Variants in GTF3C1 observed in about 807,000 individuals in gnomAD.
The protein encoded by GTF3C1 is general transcription factor IIIC subunit 1.
GTF3C1 carries 57 observed loss-of-function variants against 226.7 expected under a neutral mutation model. That is an observed-to-expected ratio of 0.25 (90% confidence interval 0.20 to 0.31). The LOEUF is 0.31. Among genes scored for constraint, GTF3C1 ranks in the 10% least tolerant of loss-of-function variants. The pLI, the probability that GTF3C1 is intolerant of heterozygous loss-of-function variation, is 1.00. For missense variants in GTF3C1, 2,217 were observed against 2,776.1 expected, an observed-to-expected ratio of 0.80 and a Z score of 4.53; for synonymous variants, 1,090 against 1,084.8, an observed-to-expected ratio of 1.00 and a Z score of -0.09.
chr16:27,523,258 G>A (rs377120899), intron 6 of GTF3C1, among the ~76,000 whole-genome samples: 4 of 152,056 alleles, frequency 2.6e-5, no homozygotes, highest in African/African-American at 9.7e-5. Context: ...GATCAGTTCA[G>A]GGGGGCTGTT....
chr16:27,477,441 G>A (rs1239277619), intron 28 of GTF3C1, among the ~76,000 whole-genome samples: 4 of 152,188 alleles, frequency 2.6e-5, no homozygotes, highest in African/African-American at 7.2e-5. Context: ...CCAGCAGCTG[G>A]GATTACAGGC....
intron 4 of GTF3C1, among the ~76,000 whole-genome samples, chr16:27,534,481 A>G (rs2088970075): frequency 6.6e-6 from 1 of 152,202 alleles, no homozygotes; most frequent in Admixed American, 6.5e-5. Context: ...GAAAGAATAA[A>G]TGGAGGGACA....
At chr16:27,505,735 T>G (rs1250534654) in intron 10 of GTF3C1, among the ~76,000 whole-genome samples, 164 bp downstream of exon 10, 1 of 152,172 alleles carries the variant, frequency 6.6e-6, no homozygotes, top group East Asian at 1.9e-4. Context: ...GAAAGTGGTG[T>G]GTAGATAAGC....
chr16:27,514,102 A>G (rs765988542), intron 6 of GTF3C1, among the ~76,000 whole-genome samples: 8 of 152,224 alleles, frequency 5.3e-5, no homozygotes, highest in Non-Finnish European at 1.2e-4. Flanking sequence ...AGCCTAGGGC[A>G]AGAGGCCAGC....
chr16:27,549,656 G>T lies in GTF3C1; in HGVS notation c.221+14C>A. On this transcript the variant is annotated intron_variant, in intron 1 of 36. Coordinates refer to ENST00000356183, the MANE Select transcript of GTF3C1 (RefSeq NM_001520.4). Reference sequence around the variant, plus strand: ...GCCCGCCCGCCCGCCCGCCAGGCCAGGCCGCCCGCTGACCGGTCCTGGAGC... The same window carrying T: ...GCCCGCCCGCCCGCCCGCCAGGCCATGCCGCCCGCTGACCGGTCCTGGAGC... 2.6e-6 allele frequency: 2 copies of T among 765,208 alleles called. No individual in the cohort carries two copies. The highest frequency in any genetic ancestry group is 4.0e-6 in the Non-Finnish European group (2 of 503,892). The allele number at this position is 765,208 out of a possible 1,614,324, so 47.4% of individuals were successfully genotyped here.
At chr16:27,500,543 A>C (rs2088389827) in intron 12 of GTF3C1, among the ~76,000 whole-genome samples, 1 of 152,212 alleles carries the variant, frequency 6.6e-6, no homozygotes, top group Non-Finnish European at 1.5e-5. Flanking sequence ...TGCAGTCAGA[A>C]GAAAAGGTCA....
intron 20 of GTF3C1, 148 bp from the exon 21 acceptor site, chr16:27,489,326 G>A (rs2088195721): frequency 1.2e-6 from 1 of 840,526 alleles, no homozygotes; most frequent in Non-Finnish European, 1.8e-6. Flanking sequence ...GAACTTGGGG[G>A]CCCTAAGTGT....
In GTF3C1 at chr16:27,506,896, A is replaced by G; in HGVS notation, c.1503T>C (p.Ser501=). Residue 501 remains serine, a synonymous_variant, in exon 9 of 37, where the codon TCT becomes TCC. Coordinates refer to ENST00000356183, the MANE Select transcript of GTF3C1 (RefSeq NM_001520.4). ...GRGSQKDTRA[S]ANLRPKTQPH... ...GCTGGGTCTTGGGCCGGAGGTTTGCAGAGGCTCTTGTGTCTTTCTGGGACC... is the reference window on the plus strand; with the variant it reads ...GCTGGGTCTTGGGCCGGAGGTTTGCGGAGGCTCTTGTGTCTTTCTGGGACC... 1 of 1,613,588 alleles carries G rather than the reference A, an allele frequency of 6.2e-7. No homozygotes were observed. Among genetic ancestry groups the G allele is most frequent in the Non-Finnish European group, 8.5e-7 (1 of 1,179,944 alleles).
Position 27,495,383 on chromosome 16 carries a change from C to T in GTF3C1, c.2460G>A (p.Val820=). 1 of 1,614,170 alleles carries T rather than the reference C, an allele frequency of 6.2e-7. No individual in the cohort carries two copies. The highest frequency in any genetic ancestry group is 8.5e-7 in the Non-Finnish European group (1 of 1,179,994). The stretch of plus-strand genomic sequence containing the variant: ...GTTCACTGATGAAGCTTGGCTTCTC[C>T]ACGGTGTTGCTGGCAGGGTGCCCGT... ...LIYGHPASNT[V]EKPSFISERR... The change falls in exon 15 of 37, where the codon GTG becomes GTA. Residue 820 remains valine (V), a synonymous_variant. Coordinates refer to ENST00000356183, the MANE Select transcript of GTF3C1 (RefSeq NM_001520.4).
intron 4 of GTF3C1, among the ~76,000 whole-genome samples, chr16:27,536,790 C>G (rs1249207651): frequency 6.6e-6 from 1 of 152,200 alleles, no homozygotes; most frequent in Non-Finnish European, 1.5e-5. Flanking sequence ...AAGGGCTGCT[C>G]TTCCCAGGCC....
At position 27,488,324 on chromosome 16, in the gene GTF3C1, G is replaced by C. The variant is rs2088174978; in HGVS notation, c.3603C>G (p.Pro1201=). 3 of 1,614,146 alleles carry C rather than the reference G, an allele frequency of 1.9e-6. No homozygotes were observed. Among genetic ancestry groups the C allele is most frequent in the Non-Finnish European group, 2.5e-6 (3 of 1,179,978 alleles). The change falls in exon 23 of 37, where the codon CCC becomes CCG. Residue 1201 remains proline, a synonymous_variant. Coordinates refer to ENST00000356183, the MANE Select transcript of GTF3C1 (RefSeq NM_001520.4). The part of the protein sequence containing the change: ...WEEQFEVDRE[P]SLDRNRRVRG... Reference sequence around the variant, plus strand: ...TCACTCTCCGGTTTCGGTCCAGCGAGGGCTCTCGGTCCACCTCAAACTGCT... The same window carrying C: ...TCACTCTCCGGTTTCGGTCCAGCGACGGCTCTCGGTCCACCTCAAACTGCT...
At chr16:27,528,816 A>C (rs1489511078) in intron 5 of GTF3C1, 95 bp from the exon 6 acceptor site, 6 of 1,182,864 alleles carry the variant, frequency 5.1e-6, no homozygotes, top group Non-Finnish European at 7.5e-6. Flanking sequence ...CAGGACCTGA[A>C]TTAATTGATT....
Position 27,470,517 on chromosome 16 carries a change from C to A in GTF3C1, c.4527-122G>T. The A allele has an allele frequency of 1.3e-6, 1 of 741,332 alleles. No individual in the cohort carries two copies. Among genetic ancestry groups the A allele is most frequent in the Non-Finnish European group, 2.3e-6 (1 of 439,884 alleles). The allele number at this position is 741,332 out of a possible 1,614,324, so 45.9% of individuals were successfully genotyped here. A position where few individuals can be genotyped will look rare whatever the true frequency, so the allele number is the denominator to read the frequency against. The stretch of plus-strand genomic sequence containing the variant: ...ACTAAGCAAAACGCCCCACTTCTTC[C>A]CTAAAGCTCTCTGTCCCATCCCAGA... On this transcript the variant is annotated intron_variant, in intron 30 of 36. Coordinates refer to ENST00000356183, the MANE Select transcript of GTF3C1 (RefSeq NM_001520.4). The surrounding 1 kb of genome is among the most constrained non-coding windows in gnomAD (Gnocchi z 4.9).
At chr16:27,543,966 G>C (rs2089126382) in intron 2 of GTF3C1, among the ~76,000 whole-genome samples, 1 of 152,136 alleles carries the variant, frequency 6.6e-6, no homozygotes, top group African/African-American at 2.4e-5. Context: ...GTGAATGGGG[G>C]TGATTCATCT....
At position 27,471,909 on chromosome 16, in the gene GTF3C1, G is replaced by A; in HGVS notation, c.4365C>T (p.Leu1455=). ...GAACGTGGTCCTTGTACTCCCGATAGAGGCGGAAAGTCTGCAACACAGGGC... is the reference window on the plus strand; with the variant it reads ...GAACGTGGTCCTTGTACTCCCGATAAAGGCGGAAAGTCTGCAACACAGGGC... ...KSYQSFQTFR[L]YREYKDHVLV... The change falls in exon 30 of 37, where the codon CTC becomes CTT. Residue 1455 remains leucine, a synonymous_variant. Transcript: ENST00000356183. The surrounding 1 kb of genome is among the most constrained non-coding windows in gnomAD (Gnocchi z 5.0). 6.2e-7 allele frequency: 1 copy of A among 1,614,130 alleles called. No homozygotes were observed. The highest frequency in any genetic ancestry group is 8.5e-7 in the Non-Finnish European group (1 of 1,180,002).
In GTF3C1 at chr16:27,460,647, A is replaced by G. The variant is rs1025277892; in HGVS notation, c.*703T>C. ...CTTCCCTTTAATCAAAAAATAAATAAGTACACTCCACAGGGACTTTTTTTT... is the reference window on the plus strand; with the variant it reads ...CTTCCCTTTAATCAAAAAATAAATAGGTACACTCCACAGGGACTTTTTTTT... On this transcript the variant is annotated 3_prime_UTR_variant, in exon 37 of 37. Coordinates refer to ENST00000356183, the MANE Select transcript of GTF3C1 (RefSeq NM_001520.4). 9.2e-5 allele frequency: 14 copies of G among 152,218 alleles called. No homozygotes were observed. The highest frequency in any genetic ancestry group is 2.4e-4 in the African/African-American group (10 of 41,460). 9.4% of individuals were successfully genotyped at this position (152,218 alleles called of 1,614,324 possible). A position where few individuals can be genotyped will look rare whatever the true frequency, so the allele number is the denominator to read the frequency against.
At chr16:27,515,216 G>A (rs1396456549) in intron 6 of GTF3C1, among the ~76,000 whole-genome samples, 2 of 152,094 alleles carry the variant, frequency 1.3e-5, no homozygotes, top group African/African-American at 4.8e-5. Context: ...AGGCCGAGGT[G>A]GGCAGATCAT....
chr16:27,501,447 A>C, intron 11 of GTF3C1, 103 bp from the exon 12 acceptor site: 1 of 1,031,960 alleles, frequency 9.7e-7, no homozygotes, highest in Non-Finnish European at 1.5e-6. Context: ...AATAGAAACA[A>C]GGAAGGATCA....
chr16:27,548,494 C>T (rs4787968), intron 1 of GTF3C1, among the ~76,000 whole-genome samples: 135,293 of 152,194 alleles, frequency 0.89, 60,376 homozygotes, highest in East Asian at 1. Context: ...CTTGAACTGC[C>T]GACCTTGTGA....
Sources: allele counts gnomAD v4.1 joint callset (sites outside exome capture counted in the v4.1 genomes callset), GRCh38; gene constraint gnomAD v4.1.1; non-coding constraint Gnocchi (gnomAD v3.1); transcripts MANE v1.5; gene names NCBI Gene and HGNC (gene_info 2026-07-23, HGNC 2026-07-21).